The following CFHR1 variants were observed in gnomAD, a reference collection of about 807,000 sequenced individuals.
CFHR1 encodes complement factor H-related protein 1.
CFHR1 carries 22 observed loss-of-function variants against 30.4 expected under a neutral mutation model. The observed-to-expected ratio is 0.72, with a 90% CI of 0.52 to 1.03. The LOEUF (loss-of-function observed/expected upper bound fraction) is 1.03. Ranked by LOEUF, CFHR1 falls within the 50% of genes least tolerant of loss-of-function variation. The pLI is 0.00. For missense variants in CFHR1, 248 were observed against 380.6 expected (o/e 0.65, Z 2.90); for synonymous variants, 95 against 129.1 (o/e 0.74, Z 1.79).
rs1364083195 is a variant in CFHR1, at chr1:196,825,961, C to T, written c.253+290C>T. The T allele has an allele frequency of 1.3e-4, 31 of 246,408 alleles. 4 individuals carry two copies. The highest frequency in any genetic ancestry group is 5.3e-4 in the African/African-American group (18 of 34,144). 15.3% of individuals were successfully genotyped at this position (246,408 alleles called of 1,614,324 possible). On this transcript the variant is annotated intron_variant, in intron 2 of 5. Transcript: ENST00000320493. Reference sequence around the variant, plus strand: ...AATATTTCTTTACTAATATTCATTTCGCAGCAGCCTGATCAAAGTTTTCCT... The same window carrying T: ...AATATTTCTTTACTAATATTCATTTTGCAGCAGCCTGATCAAAGTTTTCCT...
rs199672226 is a variant in CFHR1 at position 196,825,635 on chromosome 1, A to G, written c.217A>G (p.Thr73Ala). Residue 73 changes from threonine (T) to alanine (A), a missense_variant, in exon 2 of 6, where the codon ACA becomes GCA. Transcript: ENST00000320493. ...ATCATTTTGGACTCGCATAACATGC[A>G]CAGAAGAAGGATGGTCACCAACACC... ...SKSFWTRITCTEEGWSPTPKC... is the reference protein window; with the variant it reads ...SKSFWTRITCAEEGWSPTPKC... The G allele has an allele frequency of 9.3e-5, 142 of 1,524,848 alleles. 36 individuals are homozygous for G. Among genetic ancestry groups the G allele is most frequent in the Non-Finnish European group, 1.2e-4 (131 of 1,128,982 alleles). 94.5% of individuals were successfully genotyped at this position (1,524,848 alleles called of 1,614,324 possible). A position where few individuals can be genotyped will look rare whatever the true frequency, so the allele number is the denominator to read the frequency against.
chr1:196,824,359 G>C (rs1405389528), intron 1 of CFHR1, among the ~76,000 whole-genome samples: 1 of 133,678 alleles, frequency 7.5e-6, no homozygotes, highest in Non-Finnish European at 1.6e-5. Context: ...CTGGGTTCAA[G>C]TGATTCTTCT....
At position 196,830,570 on chromosome 1, in the gene CFHR1, A is replaced by T. The variant is rs1410549297; in HGVS notation, c.678A>T (p.Val226=). 13 of 1,524,768 alleles carry T rather than the reference A, an allele frequency of 8.5e-6. 3 individuals are homozygous for T. Among genetic ancestry groups the T allele is most frequent in the Non-Finnish European group, 7.1e-6 (8 of 1,129,086 alleles). 94.5% of individuals were successfully genotyped at this position (1,524,768 alleles called of 1,614,324 possible). Residue 226 remains valine (V), a synonymous_variant, in exon 5 of 6, where the codon GTA becomes GTT. Coordinates refer to ENST00000320493, the MANE Select transcript of CFHR1 (RefSeq NM_002113.3). ...ACATTACTTCATTCCCGTTGTCAGT[A>T]TATGCTCCAGCTTCATCAGTTGAGT... is the stretch of plus-strand genomic sequence containing the variant. ...NGDITSFPLS[V]YAPASSVEYQ...
chr1:196,830,859 G>A (rs1374734892), intron 5 of CFHR1, among the ~76,000 whole-genome samples, 177 bp downstream of exon 5: 1 of 135,308 alleles, frequency 7.4e-6, no homozygotes. Flanking sequence ...TGGGTGTGGT[G>A]GCTCACACCT....
intron 1 of CFHR1, among the ~76,000 whole-genome samples, chr1:196,823,700 T>C (rs2124886406): frequency 7.4e-6 from 1 of 135,942 alleles, no homozygotes; most frequent in African/African-American, 3.1e-5. Flanking sequence ...AGTACTATAT[T>C]GCAAAAATAT....
chr1:196,830,538 A>G lies in CFHR1; in HGVS notation c.646A>G (p.Asn216Asp), dbSNP rs1435434186. The G allele has an allele frequency of 6.6e-7, 1 of 1,525,338 alleles. No homozygotes were observed. The highest frequency in any genetic ancestry group is 2.2e-5 in the East Asian group (1 of 44,616). The allele number at this position is 1,525,338 out of a possible 1,614,324, so 94.5% of individuals were successfully genotyped here. Reference sequence around the variant, plus strand: ...ATGTGGGCCCCCTCCACCTATTGACAATGGGGACATTACTTCATTCCCGTT... The same window carrying G: ...ATGTGGGCCCCCTCCACCTATTGACGATGGGGACATTACTTCATTCCCGTT... ...GKCGPPPPID[N>D]GDITSFPLSV... is the part of the protein sequence containing the mutation. The change falls in exon 5 of 6, where the codon AAT (asparagine) becomes GAT (aspartate). Residue 216 changes from asparagine to aspartate, a missense_variant. This residue lies in a region of CFHR1 where 112 missense variants were observed against 156.4 expected (regional missense o/e 0.72). Transcript: ENST00000320493.
chr1:196,829,818 T>G lies in CFHR1; in HGVS notation c.608-682T>G, dbSNP rs1370630394. On this transcript the variant is annotated intron_variant, in intron 4 of 5. Coordinates refer to ENST00000320493, the MANE Select transcript of CFHR1 (RefSeq NM_002113.3). ...TTTGGAGTTCACTCAGCTTCTTAAA[T>G]ATAAGTTTATGCCTTATTGTCAAAA... Among the ~76,000 whole-genome samples, 48 of 135,486 alleles carry G rather than the reference T, an allele frequency of 3.5e-4. 13 individuals carry two copies. The highest frequency in any genetic ancestry group is 1.3e-3 in the African/African-American group (43 of 31,874). 88.9% of individuals were successfully genotyped at this position (135,486 alleles called of 152,430 possible). A position where few individuals can be genotyped will look rare whatever the true frequency, so the allele number is the denominator to read the frequency against.
Position 196,825,757 on chromosome 1 carries a change from C to T in CFHR1, c.253+86C>T, listed in dbSNP as rs767130763. 285 of 1,311,322 alleles carry T rather than the reference C, an allele frequency of 2.2e-4. 31 individuals are homozygous for T. Among genetic ancestry groups the T allele is most frequent in the Non-Finnish European group, 2.8e-4 (270 of 948,422 alleles). The allele number at this position is 1,311,322 out of a possible 1,614,324, so 81.2% of individuals were successfully genotyped here. On this transcript the variant is annotated intron_variant, in intron 2 of 5. Transcript: ENST00000320493. ...GACAAGATCATAAGGTCTTGATAAT[C>T]ACAGGGACAGTGACCAAAGAAGCTG...
At position 196,820,954 on chromosome 1, in the gene CFHR1, G is replaced by A. The variant is rs1228771261; in HGVS notation, c.58+1052G>A. The A allele has an allele frequency of 3.0e-5, 4 of 132,968 alleles. 2 individuals carry two copies. Among genetic ancestry groups the A allele is most frequent in the African/African-American group, 1.4e-4 (4 of 28,714 alleles). The allele number at this position is 132,968 out of a possible 1,614,324, so 8.2% of individuals were successfully genotyped here. On this transcript the variant is annotated intron_variant, in intron 1 of 5. Transcript: ENST00000320493. ...TCCTGGGTTCAAGCAATTCTCCTGCGTCAGCCTCCCAAGTGGCTAGGATTA... is the reference window on the plus strand; with the variant it reads ...TCCTGGGTTCAAGCAATTCTCCTGCATCAGCCTCCCAAGTGGCTAGGATTA...
chr1:196,827,213 C>G (rs1655363285), intron 3 of CFHR1, among the ~76,000 whole-genome samples: 1 of 135,484 alleles, frequency 7.4e-6, no homozygotes, highest in Non-Finnish European at 1.6e-5. Context: ...GGTCGCTAAA[C>G]CGGTAGCATC....
chr1:196,825,319 GC>G (rs1558213920), intron 1 of CFHR1, 157 bp from the exon 2 acceptor site: 1 of 537,792 alleles, frequency 1.9e-6, no homozygotes, highest in Non-Finnish European at 3.1e-6. Flanking sequence ...AGTTAGTGAT[GC>G]TTTTCATTCC....
chr1:196,829,948 T>A lies in CFHR1; in HGVS notation c.608-552T>A, dbSNP rs773293179. On this transcript the variant is annotated intron_variant, in intron 4 of 5. Transcript: ENST00000320493. ...ATTTGTTGTTGTATTTTTCTGAATG[T>A]CTCAGTTCAGTTTTTTGTTTTCAGT... Among the ~76,000 whole-genome samples the A allele has an allele frequency of 7.4e-5, 10 of 134,792 alleles. 1 individual carries two copies. The highest frequency in any genetic ancestry group is 3.2e-5 in the African/African-American group (1 of 31,438). The allele number at this position is 134,792 out of a possible 152,430, so 88.4% of individuals were successfully genotyped here. A position where few individuals can be genotyped will look rare whatever the true frequency, so the allele number is the denominator to read the frequency against.
At chr1:196,830,800 C>A (rs1457739828) in intron 5 of CFHR1, 118 bp downstream of exon 5, 2 of 1,327,790 alleles carry the variant, frequency 1.5e-6, no homozygotes, top group Non-Finnish European at 2.1e-6. Context: ...TGCCTGCCTA[C>A]CAAAAATTTC....
At chr1:196,830,154 C>A (rs1253069293) in intron 4 of CFHR1, among the ~76,000 whole-genome samples, 2 of 134,838 alleles carry the variant, frequency 1.5e-5, no homozygotes, top group East Asian at 3.9e-4. Flanking sequence ...AACCCGTGTC[C>A]TCTTAGTGTT....
At position 196,826,382 on chromosome 1, in the gene CFHR1, A is replaced by C; in HGVS notation, c.254-447A>C. 1.5e-5 allele frequency among the ~76,000 whole-genome samples: 2 copies of C among 135,790 alleles called. 1 individual carries two copies. Among genetic ancestry groups the C allele is most frequent in the Non-Finnish European group, 3.1e-5 (2 of 64,444 alleles). 89.1% of individuals were successfully genotyped at this position (135,790 alleles called of 152,430 possible). On this transcript the variant is annotated intron_variant, in intron 2 of 5. Coordinates refer to ENST00000320493, the MANE Select transcript of CFHR1 (RefSeq NM_002113.3). ...TCTATATATACATATAAAAGAACCA[A>C]AAATATGTTTCATCATATATATAGT...
At chr1:196,831,749 G>C in intron 5 of CFHR1, 48 bp from the exon 6 acceptor site, 1 of 1,466,004 alleles carries the variant, frequency 6.8e-7, no homozygotes. Flanking sequence ...AGTCTATGAA[G>C]ATTTGCATAC....
chr1:196,822,751 T>G (rs10801568), intron 1 of CFHR1, among the ~76,000 whole-genome samples: 33,384 of 133,868 alleles, frequency 0.25, 8,710 homozygotes, highest in East Asian at 0.41. Context: ...CAGTTAATTT[T>G]TTTAATCAAT....
In CFHR1 at chr1:196,830,436, T is replaced by A. The variant is rs1558215664; in HGVS notation, c.608-64T>A. 20 of 1,468,278 alleles carry A rather than the reference T, an allele frequency of 1.4e-5. 3 individuals carry two copies. The highest frequency in any genetic ancestry group is 1.9e-5 in the Non-Finnish European group (20 of 1,078,034). 91.0% of individuals were successfully genotyped at this position (1,468,278 alleles called of 1,614,324 possible). A position where few individuals can be genotyped will look rare whatever the true frequency, so the allele number is the denominator to read the frequency against. On this transcript the variant is annotated intron_variant, in intron 4 of 5. Coordinates refer to ENST00000320493, the MANE Select transcript of CFHR1 (RefSeq NM_002113.3). The stretch of plus-strand genomic sequence containing the variant: ...ATAAAGTGCTGTGTTTGTATTTGCC[T>A]TATTTGAACTTGTATTTTGATTTGC...
intron 1 of CFHR1, among the ~76,000 whole-genome samples, chr1:196,820,683 T>C (rs1478462270): frequency 1.6e-5 from 2 of 121,554 alleles, no homozygotes; most frequent in Non-Finnish European, 3.4e-5. Context: ...AAGTTTTTAC[T>C]TTACTGTTTG....
Sources: allele counts gnomAD v4.1 joint callset (sites outside exome capture counted in the v4.1 genomes callset), GRCh38; gene constraint gnomAD v4.1.1; regional missense constraint gnomAD v4.1.1; transcripts MANE v1.5; gene names NCBI Gene and HGNC (gene_info 2026-07-23, HGNC 2026-07-21).